The following PALM2AKAP2 variants were observed in gnomAD, a reference collection of about 807,000 sequenced individuals.
PALM2AKAP2 encodes PALM2-AKAP2 fusion protein.
PALM2AKAP2 carries 37 observed loss-of-function variants against 71.5 expected under a neutral mutation model. The observed-to-expected ratio is 0.52, with a 90% confidence interval of 0.40 to 0.68. The LOEUF (loss-of-function observed/expected upper bound fraction) is 0.68. Ranked by LOEUF, PALM2AKAP2 falls within the 30% of genes least tolerant of loss-of-function variation. PALM2AKAP2 has a pLI of 0.00. For synonymous variants in PALM2AKAP2, 468 were observed against 478.8 expected (o/e 0.98, Z 0.29); for missense variants, 1,224 against 1,191.8 (o/e 1.03, Z -0.40).
intron 1 of PALM2AKAP2, among the ~76,000 whole-genome samples, chr9:109,726,637 A>G (rs998175077): frequency 6.6e-6 from 1 of 152,192 alleles, no homozygotes; most frequent in Non-Finnish European, 1.5e-5. Flanking sequence ...ACTGCCATAT[A>G]TATGTGTGTA....
chr9:109,842,254 A>G (rs1271352175), intron 1 of PALM2AKAP2, among the ~76,000 whole-genome samples: 2 of 152,136 alleles, frequency 1.3e-5, no homozygotes, highest in African/African-American at 4.8e-5. Flanking sequence ...AAGTCTTAGC[A>G]TTTTTATTTT....
intron 3 of PALM2AKAP2, among the ~76,000 whole-genome samples, chr9:110,161,055 C>G (rs1333825549): frequency 6.6e-6 from 1 of 152,202 alleles, no homozygotes; most frequent in Non-Finnish European, 1.5e-5. Context: ...CCTGTTTCCC[C>G]AGACGCTACA....
chr9:109,893,826 G>A (rs544115871), intron 3 of PALM2AKAP2, among the ~76,000 whole-genome samples: 1 of 152,150 alleles, frequency 6.6e-6, no homozygotes, highest in Non-Finnish European at 1.5e-5. Flanking sequence ...AAACACTGGG[G>A]CCAGTCGAGG....
chr9:110,163,219 C>CT (rs1291639682), intron 3 of PALM2AKAP2, among the ~76,000 whole-genome samples: 2 of 151,756 alleles, frequency 1.3e-5, no homozygotes, highest in Non-Finnish European at 2.9e-5. Flanking sequence ...ATACAGAATT[C>CT]TAGAGAGAAT....
At chr9:110,096,353 T>G (rs1298753714) in intron 1 of PALM2AKAP2, among the ~76,000 whole-genome samples, 1 of 152,126 alleles carries the variant, frequency 6.6e-6, no homozygotes, top group Non-Finnish European at 1.5e-5. Flanking sequence ...AGCTTCAACC[T>G]CCTGGGCTCA....
chr9:109,738,160 C>T (rs916011393), intron 1 of PALM2AKAP2, among the ~76,000 whole-genome samples: 2 of 152,178 alleles, frequency 1.3e-5, no homozygotes, highest in African/African-American at 2.4e-5. Context: ...TCTTATGTTT[C>T]CCTCACAGTA....
chr9:109,974,830 G>A (rs1469554430), intron 6 of PALM2AKAP2, among the ~76,000 whole-genome samples: 1 of 152,146 alleles, frequency 6.6e-6, no homozygotes, highest in African/African-American at 2.4e-5. Flanking sequence ...TCTTAATGAG[G>A]TGAAGCTCCA....
intron 6 of PALM2AKAP2, among the ~76,000 whole-genome samples, chr9:109,932,643 T>C (rs879044002): frequency 2.0e-5 from 3 of 152,172 alleles, no homozygotes; most frequent in Admixed American, 2.0e-4. Context: ...GGGAGAACCA[T>C]GCTTTGCTCT....
chr9:110,059,763 C>A (rs1023695821), intron 1 of PALM2AKAP2, among the ~76,000 whole-genome samples: 1 of 152,068 alleles, frequency 6.6e-6, no homozygotes, highest in South Asian at 2.1e-4. Flanking sequence ...TCCACCTTAC[C>A]ATCTGATCTG....
At chr9:109,683,424 C>T (rs1176195575) in intron 1 of PALM2AKAP2, among the ~76,000 whole-genome samples, 1 of 152,060 alleles carries the variant, frequency 6.6e-6, no homozygotes, top group African/African-American at 2.4e-5. Flanking sequence ...TTGGAGTTCT[C>T]CTGCTACAAG....
At chr9:109,798,311 C>A (rs1306442417) in intron 1 of PALM2AKAP2, among the ~76,000 whole-genome samples, 1 of 152,186 alleles carries the variant, frequency 6.6e-6, no homozygotes, top group African/African-American at 2.4e-5. Flanking sequence ...TTTCTGGGGA[C>A]AGGGTCCTTG....
At chr9:109,655,254 C>T (rs1827283757) in intron 1 of PALM2AKAP2, among the ~76,000 whole-genome samples, 2 of 143,324 alleles carry the variant, frequency 1.4e-5, no homozygotes, top group South Asian at 2.2e-4. Context: ...GAGCCGAGAT[C>T]GGCCACTGCA....
At chr9:109,831,324 C>T (rs764294706) in intron 1 of PALM2AKAP2, among the ~76,000 whole-genome samples, 1 of 152,074 alleles carries the variant, frequency 6.6e-6, no homozygotes, top group Non-Finnish European at 1.5e-5. Context: ...CACCAGGGTC[C>T]GGAGAGTGTG....
At chr9:109,795,269 G>T (rs1196431644) in intron 1 of PALM2AKAP2, among the ~76,000 whole-genome samples, 1 of 152,120 alleles carries the variant, frequency 6.6e-6, no homozygotes, top group Non-Finnish European at 1.5e-5. Flanking sequence ...GAAAATCACT[G>T]ATGTAGTATA....
At chr9:110,147,128 G>A (rs1836194139) in intron 2 of PALM2AKAP2, among the ~76,000 whole-genome samples, 1 of 151,906 alleles carries the variant, frequency 6.6e-6, no homozygotes, top group Admixed American at 6.6e-5. Context: ...TCACATGCCT[G>A]TAATCCCAGC....
intron 3 of PALM2AKAP2, among the ~76,000 whole-genome samples, chr9:109,897,505 G>A (rs562412932): frequency 6.6e-6 from 1 of 152,192 alleles, no homozygotes; most frequent in African/African-American, 2.4e-5. Context: ...CGTGAACCCC[G>A]GAGGCAGAGG....
intron 3 of PALM2AKAP2, among the ~76,000 whole-genome samples, chr9:110,160,369 C>A (rs1836566603): frequency 2.6e-5 from 4 of 152,186 alleles, no homozygotes; most frequent in Admixed American, 2.6e-4. Context: ...GGGTCTCATA[C>A]CATTTCTGCT....
At chr9:109,758,974 T>C (rs1447258887) in intron 1 of PALM2AKAP2, among the ~76,000 whole-genome samples, 1 of 152,144 alleles carries the variant, frequency 6.6e-6, no homozygotes, top group South Asian at 2.1e-4. Context: ...TGTTTCAAGC[T>C]ATTTGTATTT....
intron 1 of PALM2AKAP2, among the ~76,000 whole-genome samples, chr9:110,057,392 T>G (rs1229633572): frequency 2.0e-5 from 3 of 150,582 alleles, no homozygotes; most frequent in Non-Finnish European, 4.4e-5. Flanking sequence ...TTTTTTTGTT[T>G]TTTTTTTTGC....
Sources: gnomAD v4.1 joint callset for allele counts (sites outside exome capture counted in the v4.1 genomes callset) on GRCh38, gnomAD v4.1.1 for gene constraint, MANE v1.5 for transcripts, NCBI Gene and HGNC (gene_info 2026-07-23, HGNC 2026-07-21) for gene names.